The following STS variants were observed in gnomAD, a reference collection of about 807,000 sequenced individuals.
STS encodes the protein steroid sulfatase.
STS carries 7 observed loss-of-function variants against 26.8 expected under a neutral mutation model. The observed-to-expected ratio is 0.26, with a 90% CI of 0.15 to 0.49. The LOEUF is 0.49. STS is among the 20% of genes least tolerant of loss of function. The pLI is 0.98. For synonymous variants in STS, 199 were observed against 189.4 expected, an observed-to-expected ratio of 1.05 and a Z score of -0.42; for missense variants, 434 against 465.6, an observed-to-expected ratio of 0.93 and a Z score of 0.63.
intron 2 of STS, among the ~76,000 whole-genome samples, chrX:7,198,917 GT>G (rs1204441689): frequency 3.6e-4 from 38 of 104,841 alleles, no homozygotes; most frequent in African/African-American, 6.9e-4. Flanking sequence ...CTGGCAGCAA[GT>G]TTTTTTTTTT....
At chrX:7,281,959 G>A (rs1924882589) in intron 7 of STS, among the ~76,000 whole-genome samples, 1 of 112,035 alleles carries the variant, frequency 8.9e-6, no homozygotes, top group African/African-American at 3.2e-5. Context: ...AGGGGCCATG[G>A]GGAAAACTTC....
chrX:7,161,894 G>T (rs1240269488), intron 1 of STS, among the ~76,000 whole-genome samples: 7 of 111,294 alleles, frequency 6.3e-5, no homozygotes, highest in African/African-American at 2.3e-4. Context: ...ATTACTATTT[G>T]CCAACTGAGA....
At position 7,237,163 on chromosome X, in the gene STS, C is replaced by T. The variant is rs758985108; in HGVS notation, c.-4-16033C>T. ...TAGATAAGGACTATCTATCTTTTAA[C>T]TAGATTTCTGAACTCTGGCCAGAAC... On this transcript the variant is annotated intron_variant, in intron 2 of 10. Coordinates refer to ENST00000674429, the MANE Select transcript of STS (RefSeq NM_001320752.2). Among the ~76,000 whole-genome samples the T allele has an allele frequency of 3.8e-5, 4 of 105,143 alleles. No individual in the cohort carries two copies. In the South Asian group the frequency reaches 1.7e-3, roughly 46 times the overall value. 91.3% of individuals were successfully genotyped at this position (105,143 alleles called of 115,157 possible). A position where few individuals can be genotyped will look rare whatever the true frequency, so the allele number is the denominator to read the frequency against.
intron 7 of STS, among the ~76,000 whole-genome samples, chrX:7,282,813 C>A (rs1231241903): frequency 8.9e-6 from 1 of 111,947 alleles, no homozygotes; most frequent in Non-Finnish European, 1.9e-5. Flanking sequence ...TCCAAGGTGC[C>A]AGGAATTACT....
At chrX:7,166,505 TA>T (rs1216448591) in intron 1 of STS, among the ~76,000 whole-genome samples, 1 of 111,698 alleles carries the variant, frequency 9.0e-6, no homozygotes, top group Non-Finnish European at 1.9e-5. Flanking sequence ...CCATTTGTCT[TA>T]ATTGGCAGAC....
At chrX:7,233,941 G>A (rs186793294) in intron 2 of STS, among the ~76,000 whole-genome samples, 6 of 111,948 alleles carry the variant, frequency 5.4e-5, no homozygotes, top group Non-Finnish European at 1.1e-4. Context: ...AATCCCAGAG[G>A]CCCTCTGATA....
chrX:7,202,247 T>G (rs1337342536), intron 2 of STS, among the ~76,000 whole-genome samples: 1 of 111,998 alleles, frequency 8.9e-6, no homozygotes, highest in Non-Finnish European at 1.9e-5. Context: ...ATATGATGGT[T>G]TGTGTTTTCC....
chrX:7,288,586 A>G (rs1443155373), intron 7 of STS, among the ~76,000 whole-genome samples: 1 of 109,446 alleles, frequency 9.1e-6, no homozygotes, highest in African/African-American at 3.4e-5. Context: ...CCCAATATGT[A>G]TATGGCTTCA....
intron 10 of STS, among the ~76,000 whole-genome samples, chrX:7,339,109 C>T (rs1280508034): frequency 8.9e-6 from 1 of 111,847 alleles, no homozygotes; most frequent in East Asian, 2.8e-4. Context: ...CTCTAAAACA[C>T]ACCTAATAAA....
intron 10 of STS, among the ~76,000 whole-genome samples, chrX:7,341,818 AT>A (rs765752385): frequency 6.4e-4 from 65 of 102,005 alleles, no homozygotes; most frequent in Non-Finnish European, 9.6e-4. Flanking sequence ...TTATCCAACA[AT>A]TTTTTTTTTT....
chrX:7,290,166 A>G (rs1925342698), intron 7 of STS, among the ~76,000 whole-genome samples: 1 of 111,767 alleles, frequency 8.9e-6, no homozygotes, highest in Non-Finnish European at 1.9e-5. Flanking sequence ...TTGAAAGCAG[A>G]CAGTTCTTGA....
intron 2 of STS, among the ~76,000 whole-genome samples, chrX:7,235,507 T>A (rs1459639599): frequency 8.9e-6 from 1 of 112,115 alleles, no homozygotes; most frequent in Non-Finnish European, 1.9e-5. Flanking sequence ...GTCCATTGGT[T>A]CACGCCTGTA....
At chrX:7,229,431 C>G (rs1217096600) in intron 2 of STS, among the ~76,000 whole-genome samples, 2 of 111,460 alleles carry the variant, frequency 1.8e-5, no homozygotes, top group African/African-American at 6.5e-5. Flanking sequence ...TTTGAAGGGT[C>G]CTCTTTGTTT....
intron 7 of STS, among the ~76,000 whole-genome samples, chrX:7,286,817 T>A (rs750962039): frequency 8.9e-6 from 1 of 112,248 alleles, no homozygotes; most frequent in Non-Finnish European, 1.9e-5. Flanking sequence ...GAGTGTTTTG[T>A]ATATACTTTT....
chrX:7,325,730 A>AT (rs1201517355), intron 9 of STS, among the ~76,000 whole-genome samples: 3 of 112,290 alleles, frequency 2.7e-5, no homozygotes, highest in Non-Finnish European at 5.6e-5. Context: ...GAAATTGTTC[A>AT]TTTTTTTGCT....
intron 7 of STS, among the ~76,000 whole-genome samples, chrX:7,287,827 A>T (rs1458065963): frequency 3.6e-5 from 4 of 110,771 alleles, no homozygotes; most frequent in African/African-American, 1.3e-4. Flanking sequence ...ATTTGCTTTC[A>T]TTTGATATTG....
intron 8 of STS, among the ~76,000 whole-genome samples, chrX:7,314,938 C>T (rs1353801384): frequency 8.9e-6 from 1 of 111,832 alleles, no homozygotes; most frequent in Non-Finnish European, 1.9e-5. Flanking sequence ...GGGAGAGTTT[C>T]TCTTTTGATA....
rs577432902 is a variant in STS at position 7,285,673 on chromosome X, A to G, written c.943+9586A>G. On this transcript the variant is annotated intron_variant, in intron 7 of 10. Coordinates refer to ENST00000674429, the MANE Select transcript of STS (RefSeq NM_001320752.2). ...TACACATGTTCTAGCATTGGGCATTATGATTTTAAAAAATTAAATGTTTGC... is the reference window on the plus strand; with the variant it reads ...TACACATGTTCTAGCATTGGGCATTGTGATTTTAAAAAATTAAATGTTTGC... Among the ~76,000 whole-genome samples, 9 of 112,312 alleles carry G rather than the reference A, an allele frequency of 8.0e-5. No individual in the cohort carries two copies. In the South Asian group the frequency reaches 3.3e-3, roughly 41 times the overall value.
At chrX:7,299,089 ATTATG>A (rs1479628810) in intron 7 of STS, among the ~76,000 whole-genome samples, 3 of 95,003 alleles carry the variant, frequency 3.2e-5, no homozygotes, top group Non-Finnish European at 6.1e-5. Context: ...TTTTATAATA[ATTATG>A]TTATATGTAT....
Sources: allele counts gnomAD v4.1 joint callset (sites outside exome capture counted in the v4.1 genomes callset), GRCh38; gene constraint gnomAD v4.1.1; transcripts MANE v1.5; gene names NCBI Gene and HGNC (gene_info 2026-07-23, HGNC 2026-07-21).